Variants in NEGR1 observed in about 807,000 individuals in gnomAD.
The protein encoded by NEGR1 is IgLON family member 4.
NEGR1 carries 10 observed loss-of-function variants against 40.9 expected under a neutral mutation model. The observed-to-expected ratio is 0.24, with a 90% confidence interval of 0.15 to 0.42. NEGR1 has a LOEUF of 0.42. NEGR1 is among the 10% of genes least tolerant of loss of function. The pLI, the probability that NEGR1 is intolerant of heterozygous loss-of-function variation, is 1.00. For synonymous variants in NEGR1, 185 were observed against 166.8 expected (o/e 1.11, Z -0.84); for missense variants, 352 against 438.9 (o/e 0.80, Z 1.77).
At chr1:71,616,174 T>C (rs1481275983) in intron 4 of NEGR1, among the ~76,000 whole-genome samples, 1 of 152,150 alleles carries the variant, frequency 6.6e-6, no homozygotes, top group Non-Finnish European at 1.5e-5. Flanking sequence ...AGGGGTCTGT[T>C]AGGAACCGGG....
chr1:72,261,573 G>T (rs1655457136), intron 1 of NEGR1, among the ~76,000 whole-genome samples: 1 of 151,812 alleles, frequency 6.6e-6, no homozygotes, highest in South Asian at 2.1e-4. Flanking sequence ...TTTTTTCCAT[G>T]AACAAAATTT....
chr1:71,617,582 C>T (rs1321670149), intron 4 of NEGR1, among the ~76,000 whole-genome samples: 2 of 152,202 alleles, frequency 1.3e-5, no homozygotes, highest in East Asian at 3.9e-4. Flanking sequence ...CATGACTTGA[C>T]AGCTTTCTGG....
chr1:71,968,341 A>G, intron 1 of NEGR1, among the ~76,000 whole-genome samples: 1 of 152,234 alleles, frequency 6.6e-6, no homozygotes, highest in East Asian at 1.9e-4. Context: ...AAGTATTACA[A>G]AACAACTTTG....
chr1:71,506,046 G>A (rs957532461), intron 6 of NEGR1, among the ~76,000 whole-genome samples: 2 of 152,088 alleles, frequency 1.3e-5, no homozygotes, highest in African/African-American at 2.4e-5. Flanking sequence ...AGAAAATATC[G>A]GGAATAGTGG....
chr1:72,034,687 T>C (rs1393339614), intron 1 of NEGR1, among the ~76,000 whole-genome samples: 1 of 152,220 alleles, frequency 6.6e-6, no homozygotes, highest in African/African-American at 2.4e-5. Context: ...CTGAACCTTA[T>C]TGCAGAGTGA....
chr1:72,254,997 CTTT>C (rs1254232214), intron 1 of NEGR1, among the ~76,000 whole-genome samples: 7 of 151,932 alleles, frequency 4.6e-5, no homozygotes, highest in Admixed American at 4.6e-4. Flanking sequence ...TATATTTGTT[CTTT>C]ATGTGTTTTC....
chr1:71,982,494 T>A lies in NEGR1; in HGVS notation c.177-47183A>T, dbSNP rs566271482. Among the ~76,000 whole-genome samples the A allele has an allele frequency of 6.6e-5, 10 of 152,324 alleles. 1 individual carries two copies. The South Asian group carries it at 2.1e-3, about 32-fold the overall frequency. On this transcript the variant is annotated intron_variant, in intron 1 of 6. Transcript: ENST00000357731. ...TTTCATAAAAGAGATGATGTAGCTA[T>A]TGATTTCAAAATGTCTGAATTTGTT...
chr1:71,928,371 T>C (rs1184568376), intron 2 of NEGR1, among the ~76,000 whole-genome samples: 1 of 114,020 alleles, frequency 8.8e-6, no homozygotes, highest in African/African-American at 3.1e-5. Flanking sequence ...TACACATATG[T>C]ATATATGTAT....
At chr1:72,257,118 T>C (rs1048733285) in intron 1 of NEGR1, among the ~76,000 whole-genome samples, 29 of 151,866 alleles carry the variant, frequency 1.9e-4, no homozygotes, top group South Asian at 1.2e-3. Flanking sequence ...GTCAGGAGAT[T>C]GAGACCATCC....
chr1:71,870,100 G>A (rs1660234847), intron 2 of NEGR1, among the ~76,000 whole-genome samples: 1 of 151,880 alleles, frequency 6.6e-6, no homozygotes, highest in South Asian at 2.1e-4. Context: ...GGCTGGTCTT[G>A]AACTCCTGAC....
At chr1:72,265,703 A>G (rs1396905861) in intron 1 of NEGR1, among the ~76,000 whole-genome samples, 1 of 151,028 alleles carries the variant, frequency 6.6e-6, no homozygotes. Context: ...AAGAACTTAA[A>G]AGATATTTGA....
intron 2 of NEGR1, among the ~76,000 whole-genome samples, chr1:71,798,445 A>G (rs1657421149): frequency 6.6e-6 from 1 of 152,222 alleles, no homozygotes; most frequent in South Asian, 2.1e-4. Flanking sequence ...AAAAATTACA[A>G]TTGCATGTAA....
At chr1:71,612,312 G>T (rs1191037126) in intron 4 of NEGR1, among the ~76,000 whole-genome samples, 1 of 152,214 alleles carries the variant, frequency 6.6e-6, no homozygotes, top group African/African-American at 2.4e-5. Flanking sequence ...TTCCTTGAAG[G>T]CAGGGTTAAA....
intron 2 of NEGR1, among the ~76,000 whole-genome samples, chr1:71,819,954 C>G (rs1181801867): frequency 1.3e-5 from 2 of 151,976 alleles, no homozygotes; most frequent in Non-Finnish European, 2.9e-5. Context: ...TGATAGCTCT[C>G]TGGGCAAGAA....
At chr1:71,731,062 G>A (rs1335382696) in intron 3 of NEGR1, among the ~76,000 whole-genome samples, 8 of 151,946 alleles carry the variant, frequency 5.3e-5, no homozygotes, top group African/African-American at 1.2e-4. Flanking sequence ...CAGAAAGCAC[G>A]AATAGAAACT....
At chr1:72,126,521 A>G (rs1650030377) in intron 1 of NEGR1, among the ~76,000 whole-genome samples, 1 of 152,152 alleles carries the variant, frequency 6.6e-6, no homozygotes, top group Non-Finnish European at 1.5e-5. Flanking sequence ...GCACCATACT[A>G]TGACACAAAC....
In NEGR1 at chr1:72,227,951, T is replaced by G. The variant is rs367935995; in HGVS notation, c.176+54368A>C. Among the ~76,000 whole-genome samples, 57 of 152,256 alleles carry G rather than the reference T, an allele frequency of 3.7e-4. No individual in the cohort carries two copies. The South Asian group carries it at 8.7e-3, about 23-fold the overall frequency. ...CCCTGGGCAAGTTACTTACCTTCTC[T>G]GCTCAGTTTCCTCATCATAATAAAG... On this transcript the variant is annotated intron_variant, in intron 1 of 6. Transcript: ENST00000357731.
At position 72,282,450 on chromosome 1, in the gene NEGR1, C is replaced by A. The variant is rs767730810; in HGVS notation, c.45G>T (p.Gln15His). The change falls in exon 1 of 7, where the codon CAG becomes CAT. Residue 15 changes from glutamine to histidine, a missense_variant. This residue lies in a region of NEGR1 where 81 missense variants were observed against 85.8 expected (regional missense o/e 0.94). Transcript: ENST00000357731. ...LLVQGACCSN[Q>H]WLAAVLLSLC... ...GGCTGAGGAGCACCGCCGCCAGCCA[C>A]TGGTTCGAGCAACAAGCACCCTGCA... is the stretch of plus-strand genomic sequence containing the variant. 2 of 1,613,742 alleles carry A rather than the reference C, an allele frequency of 1.2e-6. No homozygotes were observed. Among genetic ancestry groups the A allele is most frequent in the Non-Finnish European group, 1.7e-6 (2 of 1,180,020 alleles).
chr1:71,801,635 A>G (rs78335572), intron 2 of NEGR1, among the ~76,000 whole-genome samples: 225 of 152,258 alleles, frequency 1.5e-3, no homozygotes, highest in Non-Finnish European at 2.2e-3. Flanking sequence ...CACATATATT[A>G]TCAGAAAATC....
Sources: allele counts gnomAD v4.1 joint callset (sites outside exome capture counted in the v4.1 genomes callset), GRCh38; gene constraint gnomAD v4.1.1; regional missense constraint gnomAD v4.1.1; transcripts MANE v1.5; gene names NCBI Gene and HGNC (gene_info 2026-07-23, HGNC 2026-07-21).